VDAC1: variants seen among roughly 807,000 people sequenced by gnomAD.
VDAC1 encodes non-selective voltage-gated ion channel VDAC1.
Under a neutral mutation model 34.7 loss-of-function variants are expected in VDAC1, and 10 were observed. The observed-to-expected ratio is 0.29, with a 90% confidence interval of 0.18 to 0.49. The LOEUF (loss-of-function observed/expected upper bound fraction) is 0.49, where lower values mean the gene tolerates loss of function less well. VDAC1 is among the 20% of genes least tolerant of loss of function. The probability of loss-of-function intolerance (pLI) is 0.99; values close to 1 mark genes in which losing one functional copy is unlikely to be tolerated. For missense variants in VDAC1, 230 were observed against 347.9 expected (o/e 0.66, Z 2.69); for synonymous variants, 130 against 136.0 (o/e 0.96, Z 0.30).
chr5:134,009,125 C>T (rs535858472), upstream of VDAC1, among the ~76,000 whole-genome samples: 3 of 151,944 alleles, frequency 2.0e-5, no homozygotes, highest in Non-Finnish European at 1.5e-5. Context: ...TAAAACAATT[C>T]CAAGAAGCTC....
chr5:134,083,558 T>C, the VDAC1 span, among the ~76,000 whole-genome samples: 1 of 152,184 alleles, frequency 6.6e-6, no homozygotes, highest in Admixed American at 6.5e-5. Flanking sequence ...TTGTGGTCAG[T>C]GGGGAAAACT....
the VDAC1 span, among the ~76,000 whole-genome samples, chr5:134,107,315 G>A: frequency 2.1e-4 from 32 of 152,396 alleles, no homozygotes; most frequent in South Asian, 8.3e-4. Flanking sequence ...CACCTCTGGT[G>A]ACAGGGAGCT....
the VDAC1 span, among the ~76,000 whole-genome samples, chr5:134,062,615 G>GTT: frequency 6.6e-6 from 1 of 151,244 alleles, no homozygotes; most frequent in African/African-American, 2.4e-5. Flanking sequence ...GCTTTTGTTT[G>GTT]TTTTTTGTTT....
the VDAC1 span, among the ~76,000 whole-genome samples, chr5:134,030,829 T>G: frequency 6.6e-6 from 1 of 152,118 alleles, no homozygotes; most frequent in Non-Finnish European, 1.5e-5. Flanking sequence ...GTCAGGCTGG[T>G]CTTGAACTCC....
At chr5:133,974,893 C>T (rs919210077) in intron 7 of VDAC1, among the ~76,000 whole-genome samples, 9 of 151,180 alleles carry the variant, frequency 6.0e-5, no homozygotes, top group Non-Finnish European at 1.0e-4. Flanking sequence ...ACGGAGGTTG[C>T]GCAGTGAGCT....
chr5:134,113,200 T>C, the VDAC1 span, among the ~76,000 whole-genome samples: 2 of 152,106 alleles, frequency 1.3e-5, no homozygotes, highest in East Asian at 1.9e-4. Context: ...GGAGACCTAA[T>C]GGGCAGGGTC....
chr5:134,056,145 G>A, the VDAC1 span, among the ~76,000 whole-genome samples: 2 of 151,324 alleles, frequency 1.3e-5, no homozygotes, highest in African/African-American at 4.9e-5. Flanking sequence ...GGAGGCTGAG[G>A]CAGGTGAATT....
the VDAC1 span, among the ~76,000 whole-genome samples, chr5:134,069,028 G>C: frequency 3.4e-5 from 5 of 148,056 alleles, no homozygotes; most frequent in Non-Finnish European, 5.9e-5. Context: ...GCGCCTTTTA[G>C]TAAAAGCAAA....
At chr5:134,004,530 G>C (rs949059306) in intron 1 of VDAC1, 2 of 152,780 alleles carry the variant, frequency 1.3e-5, no homozygotes, top group Admixed American at 1.3e-4. Context: ...CCCCGCGGCC[G>C]GGCTGCCGGG....
At chr5:134,007,526 T>C (rs982770311), upstream of VDAC1, among the ~76,000 whole-genome samples, 2 of 151,460 alleles carry the variant, frequency 1.3e-5, no homozygotes, top group Admixed American at 1.3e-4. Flanking sequence ...ACCACAACCC[T>C]GAGGGAGAGG....
the VDAC1 span, among the ~76,000 whole-genome samples, chr5:134,023,706 C>G: frequency 6.6e-6 from 1 of 152,116 alleles, no homozygotes; most frequent in Non-Finnish European, 1.5e-5. Flanking sequence ...TTGGCACTTA[C>G]TGTCTAGGGG....
chr5:133,980,138 GATAAAACAAGATTCATGA>G (rs1390071352), intron 6 of VDAC1, among the ~76,000 whole-genome samples: 1 of 152,160 alleles, frequency 6.6e-6, no homozygotes, highest in Non-Finnish European at 1.5e-5. Flanking sequence ...AAGGTTTATG[GATAAAACAAGATTCATGA>G]ATGAAATGTG....
chr5:133,992,800 C>T (rs1753156270), intron 2 of VDAC1, 146 bp downstream of exon 2: 1 of 761,274 alleles, frequency 1.3e-6, no homozygotes, highest in Non-Finnish European at 2.1e-6. Flanking sequence ...GCTACAATTG[C>T]CACACAAATG....
chr5:134,055,588 G>GTTTTTTT, the VDAC1 span, among the ~76,000 whole-genome samples: 13 of 59,614 alleles, frequency 2.2e-4, 1 homozygote, highest in East Asian at 7.2e-4. Context: ...CCCCGCTAAT[G>GTTTTTTT]TTTTTTTTTT....
At chr5:133,985,680 T>C (rs1752883430) in intron 5 of VDAC1, among the ~76,000 whole-genome samples, 1 of 152,126 alleles carries the variant, frequency 6.6e-6, no homozygotes, top group South Asian at 2.1e-4. Flanking sequence ...CCTATCTTCA[T>C]CTGCCTGCTC....
At chr5:134,035,585 C>T in the VDAC1 span, among the ~76,000 whole-genome samples, 1 of 151,956 alleles carries the variant, frequency 6.6e-6, no homozygotes, top group South Asian at 2.1e-4. Flanking sequence ...AGGATGATAA[C>T]CCACTGAATA....
chr5:134,050,883 C>T, the VDAC1 span, among the ~76,000 whole-genome samples: 1 of 152,210 alleles, frequency 6.6e-6, no homozygotes, highest in East Asian at 1.9e-4. Flanking sequence ...CACCCCTTCC[C>T]AGCAAAAAAG....
chr5:134,094,674 G>T, the VDAC1 span, among the ~76,000 whole-genome samples: 30 of 148,304 alleles, frequency 2.0e-4, no homozygotes, highest in African/African-American at 7.3e-4. Flanking sequence ...TCCAGCCTGG[G>T]TGAAGAGTGA....
the VDAC1 span, among the ~76,000 whole-genome samples, chr5:134,089,991 C>CA: frequency 6.7e-5 from 10 of 149,514 alleles, no homozygotes; most frequent in Admixed American, 3.3e-4. Context: ...AACTCTGTCT[C>CA]AAAAAAAAAG....
Sources: gnomAD v4.1 joint callset for allele counts (sites outside exome capture counted in the v4.1 genomes callset) on GRCh38, gnomAD v4.1.1 for gene constraint, MANE v1.5 for transcripts, NCBI Gene and HGNC (gene_info 2026-07-23, HGNC 2026-07-21) for gene names.